Variants in RFT1 observed in about 807,000 individuals in gnomAD.
RFT1 encodes the protein RFT1 glycolipid translocator homolog.
Under a neutral mutation model 62.2 loss-of-function variants are expected in RFT1, and 43 were observed. That is an observed-to-expected ratio of 0.69 (90% CI 0.54 to 0.89). The LOEUF is 0.89. RFT1 is among the 40% of genes least tolerant of loss of function. The pLI is 0.00. For missense variants in RFT1, 605 were observed against 649.9 expected, an observed-to-expected ratio of 0.93 and a Z score of 0.75; for synonymous variants, 262 against 264.6, an observed-to-expected ratio of 0.99 and a Z score of 0.10.
chr3:53,109,687 T>C (rs1451011390), intron 7 of RFT1, among the ~76,000 whole-genome samples: 2 of 152,020 alleles, frequency 1.3e-5, no homozygotes, highest in African/African-American at 2.4e-5. Context: ...GGTAGGTGCC[T>C]TGCCTGTAGT....
intron 11 of RFT1, among the ~76,000 whole-genome samples, chr3:53,097,795 G>A (rs991183988): frequency 6.6e-6 from 1 of 152,192 alleles, no homozygotes; most frequent in African/African-American, 2.4e-5. Context: ...GTTAGAAGTA[G>A]CTTTCAAATA....
chr3:53,094,255 C>T (rs1701077716), intron 11 of RFT1, among the ~76,000 whole-genome samples: 1 of 152,084 alleles, frequency 6.6e-6, no homozygotes, highest in African/African-American at 2.4e-5. Flanking sequence ...ACTGCATCCC[C>T]CAAATGCCCA....
chr3:53,094,271 A>G (rs1328204389), intron 11 of RFT1, among the ~76,000 whole-genome samples: 1 of 152,140 alleles, frequency 6.6e-6, no homozygotes, highest in Non-Finnish European at 1.5e-5. Context: ...GCCCAGGTAT[A>G]GGTCCTTGGC....
chr3:53,081,936 T>C, the RFT1 span, among the ~76,000 whole-genome samples: 1 of 152,064 alleles, frequency 6.6e-6, no homozygotes, highest in South Asian at 2.1e-4. Flanking sequence ...CCAAACTTGC[T>C]GGATTTTTAG....
intron 7 of RFT1, among the ~76,000 whole-genome samples, chr3:53,108,165 C>T (rs1469088856): frequency 3.9e-5 from 6 of 152,112 alleles, no homozygotes; most frequent in Non-Finnish European, 7.4e-5. Flanking sequence ...TCTCCTGCCT[C>T]AGCCTCCTGA....
At chr3:53,120,090 G>T in intron 5 of RFT1, 69 bp from the exon 6 acceptor site, 3 of 1,356,584 alleles carry the variant, frequency 2.2e-6, no homozygotes, top group Non-Finnish European at 3.0e-6. Flanking sequence ...GATCTCAAAG[G>T]CCAGTCAAGT....
chr3:53,106,685 C>T, intron 8 of RFT1, 134 bp downstream of exon 8: 1 of 765,804 alleles, frequency 1.3e-6, no homozygotes, highest in Non-Finnish European at 2.2e-6. Flanking sequence ...GTACAAAGAC[C>T]TACAATTTAC....
intron 11 of RFT1, among the ~76,000 whole-genome samples, chr3:53,098,245 A>T (rs1252245097): frequency 6.6e-6 from 1 of 152,196 alleles, no homozygotes; most frequent in Non-Finnish European, 1.5e-5. Flanking sequence ...GCCTTCTAAG[A>T]TTCTAATTCA....
chr3:53,067,277 A>C, the RFT1 span, among the ~76,000 whole-genome samples: 1 of 152,196 alleles, frequency 6.6e-6, no homozygotes, highest in Non-Finnish European at 1.5e-5. Flanking sequence ...TGAGCCTGGG[A>C]GTTGGAGGCT....
rs1394626623 is a variant in RFT1 at position 53,105,655 on chromosome 3, C to G, written c.957+18G>C. On this transcript the variant is annotated intron_variant, in intron 9 of 12. Transcript: ENST00000296292. ...AAGGGAGAATTCACTTGAGAGATGA[C>G]ATAAGAACCAACATTACCTGCTTCT... The G allele has an allele frequency of 6.2e-7, 1 of 1,612,724 alleles. No individual in the cohort carries two copies. Among genetic ancestry groups the G allele is most frequent in the Admixed American group, 1.7e-5 (1 of 59,994 alleles).
intron 2 of RFT1, among the ~76,000 whole-genome samples, chr3:53,125,040 CCT>C (rs1259418867): frequency 1.3e-5 from 2 of 152,100 alleles, no homozygotes; most frequent in East Asian, 3.8e-4. Context: ...AAGAATGGTC[CCT>C]GTTTCAAAAT....
intron 6 of RFT1, among the ~76,000 whole-genome samples, chr3:53,114,551 T>G (rs1014126450): frequency 8.6e-5 from 13 of 151,992 alleles, no homozygotes; most frequent in African/African-American, 3.1e-4. Context: ...GGCTGAGTGG[T>G]GGGAGAGAGG....
chr3:53,123,572 C>T lies in RFT1; in HGVS notation c.266+152G>A, dbSNP rs970762766. 31 of 677,980 alleles carry T rather than the reference C, an allele frequency of 4.6e-5. No individual in the cohort carries two copies. In the East Asian group the frequency reaches 8.4e-4, roughly 18 times the overall value. The allele number at this position is 677,980 out of a possible 1,614,324, so 42.0% of individuals were successfully genotyped here. A position where few individuals can be genotyped will look rare whatever the true frequency, so the allele number is the denominator to read the frequency against. ...CCAAGAAGTTCCTTTGACACAAACA[C>T]TGTCCCCGTCTTGTTGTATGCCTGC... On this transcript the variant is annotated intron_variant, in intron 3 of 12. Coordinates refer to ENST00000296292, the MANE Select transcript of RFT1 (RefSeq NM_052859.4).
intron 2 of RFT1, among the ~76,000 whole-genome samples, chr3:53,124,561 C>T (rs1177156281): frequency 6.6e-6 from 1 of 152,110 alleles, no homozygotes; most frequent in Non-Finnish European, 1.5e-5. Flanking sequence ...CAGGGCAGGC[C>T]AGACAAGGGC....
rs904851358 is a variant in RFT1 at position 53,125,242 on chromosome 3, A to G, written c.149+667T>C. Among the ~76,000 whole-genome samples the G allele has an allele frequency of 1.2e-4, 19 of 152,324 alleles. 1 individual carries two copies. Among genetic ancestry groups the G allele is most frequent in the African/African-American group, 4.1e-4 (17 of 41,578 alleles). ...TCTGGAACATATTGTCTTATTTATCAGGACATGAAGACACACCTGAGAAGC... is the reference window on the plus strand; with the variant it reads ...TCTGGAACATATTGTCTTATTTATCGGGACATGAAGACACACCTGAGAAGC... On this transcript the variant is annotated intron_variant, in intron 2 of 12. Coordinates refer to ENST00000296292, the MANE Select transcript of RFT1 (RefSeq NM_052859.4).
At chr3:53,118,032 G>A (rs1209935656) in intron 6 of RFT1, among the ~76,000 whole-genome samples, 1 of 152,166 alleles carries the variant, frequency 6.6e-6, no homozygotes, top group Non-Finnish European at 1.5e-5. Flanking sequence ...TGGGACTACA[G>A]GTGCACACCA....
the RFT1 span, among the ~76,000 whole-genome samples, chr3:53,069,685 G>A: frequency 6.6e-6 from 1 of 152,210 alleles, no homozygotes; most frequent in East Asian, 1.9e-4. Context: ...GTGGGCACAG[G>A]CTTTTTGGAG....
Position 53,092,084 on chromosome 3 carries a change from C to T in RFT1, c.1459-14G>A, listed in dbSNP as rs1295786345. On this transcript the variant is annotated splice_polypyrimidine_tract_variant and intron_variant, in intron 12 of 12. Coordinates refer to ENST00000296292, the MANE Select transcript of RFT1 (RefSeq NM_052859.4). ...GCAGAGGAATACCTGGGGAAAGAAA[C>T]CATTGTCAGTGCCTGTTCCTCAGTC... 1.2e-6 allele frequency: 2 copies of T among 1,614,008 alleles called. No homozygotes were observed. Among genetic ancestry groups the T allele is most frequent in the Non-Finnish European group, 8.5e-7 (1 of 1,180,000 alleles).
At chr3:53,110,048 G>A (rs1701603503) in intron 7 of RFT1, among the ~76,000 whole-genome samples, 1 of 152,118 alleles carries the variant, frequency 6.6e-6, no homozygotes, top group African/African-American at 2.4e-5. Context: ...GTCGAGCTCT[G>A]GAGGCTTTAG....
Sources: allele counts gnomAD v4.1 joint callset (sites outside exome capture counted in the v4.1 genomes callset), GRCh38; gene constraint gnomAD v4.1.1; transcripts MANE v1.5; gene names NCBI Gene and HGNC (gene_info 2026-07-23, HGNC 2026-07-21).